The following MCPH1 variants were observed in gnomAD, a reference collection of about 807,000 sequenced individuals.
MCPH1 encodes microcephalin 1.
MCPH1 carries 104 observed loss-of-function variants against 84.5 expected under a neutral mutation model. That is an observed-to-expected ratio of 1.23 (90% CI 1.05 to 1.45). The LOEUF (loss-of-function observed/expected upper bound fraction) is 1.45. Ranked by LOEUF, MCPH1 falls within the 40% of genes most tolerant of loss-of-function variation. MCPH1 has a pLI of 0.00. For missense variants in MCPH1, 1,498 were observed against 1,005.7 expected (o/e 1.49, Z -6.62); for synonymous variants, 514 against 366.8 (o/e 1.40, Z -4.58).
intron 3 of MCPH1, among the ~76,000 whole-genome samples, chr8:6,428,223 CT>C (rs1329953518): frequency 5.3e-5 from 8 of 151,196 alleles, no homozygotes; most frequent in African/African-American, 1.7e-4. Context: ...TCTTTATCAG[CT>C]TTTTCTATGT....
chr8:6,533,631 G>A (rs190349079), intron 12 of MCPH1, among the ~76,000 whole-genome samples: 34 of 140,444 alleles, frequency 2.4e-4, no homozygotes, highest in African/African-American at 7.9e-4. Flanking sequence ...CCATTCCCTG[G>A]TCCAAAGTAT....
chr8:6,624,618 C>G (rs549093363), intron 13 of MCPH1, among the ~76,000 whole-genome samples: 3 of 152,124 alleles, frequency 2.0e-5, no homozygotes, highest in African/African-American at 7.2e-5. Context: ...TTTTTCTGTC[C>G]GTACATACTT....
chr8:6,611,628 T>G (rs187709455), intron 12 of MCPH1, among the ~76,000 whole-genome samples: 4,995 of 151,302 alleles, frequency 0.033, 266 homozygotes, highest in African/African-American at 0.11. Flanking sequence ...TTTTTTTTAT[T>G]TTTTTTTAAA....
chr8:6,627,754 G>C (rs1013422353), intron 13 of MCPH1, among the ~76,000 whole-genome samples: 5 of 152,130 alleles, frequency 3.3e-5, no homozygotes, highest in African/African-American at 1.2e-4. Flanking sequence ...TAGCGGGCAT[G>C]GTGGTGCAAG....
intron 13 of MCPH1, chr8:6,634,902 G>C (rs1797431931): frequency 6.6e-6 from 1 of 152,216 alleles, no homozygotes; most frequent in African/African-American, 2.4e-5. Flanking sequence ...CACGCTCGCA[G>C]CAGTGAACGG....
At chr8:6,520,064 A>G (rs1239603525) in intron 12 of MCPH1, 10 of 1,552,150 alleles carry the variant, frequency 6.4e-6, no homozygotes, top group South Asian at 4.8e-5. Flanking sequence ...TCAAGAGCCA[A>G]TCATTTGGTG....
chr8:6,500,038 C>A, intron 12 of MCPH1, 109 bp downstream of exon 12: 1 of 892,696 alleles, frequency 1.1e-6, no homozygotes, highest in Non-Finnish European at 1.9e-6. Context: ...ACAATTATGC[C>A]CATAATTAAA....
In MCPH1 at chr8:6,647,813, G is replaced by C. The variant is rs1037781625; in HGVS notation, c.*4764G>C. On this transcript the variant is annotated 3_prime_UTR_variant, in exon 14 of 14. Transcript: ENST00000344683. ...GGATGATGGAAACATTCTAAAACTGGATTGTGATTTTGGTTACACAACTGT... is the reference window on the plus strand; with the variant it reads ...GGATGATGGAAACATTCTAAAACTGCATTGTGATTTTGGTTACACAACTGT... 2 of 152,192 alleles carry C rather than the reference G, an allele frequency of 1.3e-5. No homozygotes were observed. The highest frequency in any genetic ancestry group is 2.9e-5 in the Non-Finnish European group (2 of 68,048). 9.4% of individuals were successfully genotyped at this position (152,192 alleles called of 1,614,324 possible).
In MCPH1 at chr8:6,563,048, C is replaced by T. The variant is rs576670906; in HGVS notation, c.2215-58406C>T. The T allele has an allele frequency of 1.5e-3, 1,847 of 1,199,270 alleles. 3 individuals carry two copies. The highest frequency in any genetic ancestry group is 2.4e-3 in the Admixed American group (93 of 38,812). 74.3% of individuals were successfully genotyped at this position (1,199,270 alleles called of 1,614,324 possible). A position where few individuals can be genotyped will look rare whatever the true frequency, so the allele number is the denominator to read the frequency against. ...GCTGCTACGCTGCCATGGCTGGGTC[C>T]GTCAATGAAAGTCTTCTCTTTCCTC... On this transcript the variant is annotated intron_variant, in intron 12 of 13. Coordinates refer to ENST00000344683, the MANE Select transcript of MCPH1 (RefSeq NM_024596.5).
At chr8:6,513,305 C>T (rs866800440) in intron 12 of MCPH1, among the ~76,000 whole-genome samples, 1 of 151,738 alleles carries the variant, frequency 6.6e-6, no homozygotes, top group Non-Finnish European at 1.5e-5. Context: ...ACCCAGCAAA[C>T]CTTTTAATTT....
intron 1 of MCPH1, chr8:6,407,052 CT>C (rs1291527287): frequency 3.6e-4 from 128 of 354,630 alleles, no homozygotes; most frequent in African/African-American, 2.9e-3. Flanking sequence ...CCCATGCTGC[CT>C]GTCCCCCAAA....
intron 12 of MCPH1, among the ~76,000 whole-genome samples, chr8:6,554,679 G>A (rs1349150319): frequency 1.3e-5 from 2 of 152,156 alleles, no homozygotes; most frequent in Non-Finnish European, 2.9e-5. Flanking sequence ...ATAATTCACA[G>A]ACATGTGGAA....
At chr8:6,544,826 A>T (rs1822261543) in intron 12 of MCPH1, among the ~76,000 whole-genome samples, 1 of 152,200 alleles carries the variant, frequency 6.6e-6, no homozygotes, top group Non-Finnish European at 1.5e-5. Context: ...AACTGTCGAC[A>T]TCAGGAAGAC....
At chr8:6,526,832 G>A (rs1818433991) in intron 12 of MCPH1, among the ~76,000 whole-genome samples, 1 of 152,086 alleles carries the variant, frequency 6.6e-6, no homozygotes, top group Admixed American at 6.5e-5. Context: ...ATCCTCTTTT[G>A]TCCCAAGTGG....
intron 9 of MCPH1, among the ~76,000 whole-genome samples, chr8:6,456,218 GGAGA>G (rs934134376): frequency 6.6e-6 from 1 of 152,148 alleles, no homozygotes; most frequent in Non-Finnish European, 1.5e-5. Context: ...CAACAGATGT[GGAGA>G]GAGAGAGACT....
intron 12 of MCPH1, among the ~76,000 whole-genome samples, chr8:6,572,682 C>G (rs1826758063): frequency 6.6e-6 from 1 of 152,222 alleles, no homozygotes; most frequent in East Asian, 1.9e-4. Flanking sequence ...AAGGTTACTA[C>G]TATTACAACA....
chr8:6,524,255 A>G (rs971478399), intron 12 of MCPH1, among the ~76,000 whole-genome samples: 1 of 152,198 alleles, frequency 6.6e-6, no homozygotes, highest in Non-Finnish European at 1.5e-5. Context: ...TATGTCAATG[A>G]TGGCATCTTT....
intron 12 of MCPH1, among the ~76,000 whole-genome samples, chr8:6,592,869 G>A (rs1329467314): frequency 7.1e-6 from 1 of 140,842 alleles, no homozygotes; most frequent in African/African-American, 2.7e-5. Context: ...GTCTTGCCAT[G>A]TTGCTCAGGC....
intron 3 of MCPH1, among the ~76,000 whole-genome samples, chr8:6,422,653 C>G (rs577826434): frequency 3.3e-5 from 5 of 152,152 alleles, no homozygotes; most frequent in Non-Finnish European, 7.4e-5. Flanking sequence ...CATGCAGACC[C>G]CATAATACTT....
Sources: allele counts gnomAD v4.1 joint callset (sites outside exome capture counted in the v4.1 genomes callset), GRCh38; gene constraint gnomAD v4.1.1; transcripts MANE v1.5; gene names NCBI Gene and HGNC (gene_info 2026-07-23, HGNC 2026-07-21).